PHIP: variants seen among roughly 807,000 people sequenced by gnomAD.
PHIP encodes the protein PHIP subunit of CUL4-Ring ligase complex, also known as PH-interacting protein.
Under a neutral mutation model 236.8 loss-of-function variants are expected in PHIP, and 54 were observed. The observed-to-expected ratio is 0.23, with a 90% CI of 0.18 to 0.29. The LOEUF is 0.29. Ranked by LOEUF, PHIP falls within the 10% of genes least tolerant of loss-of-function variation. The probability of loss-of-function intolerance (pLI) is 1.00; values close to 1 mark genes in which losing one functional copy is unlikely to be tolerated. For missense variants in PHIP, 1,370 were observed against 2,190.8 expected (o/e 0.63, Z 7.48); for synonymous variants, 756 against 718.9 (o/e 1.05, Z -0.83).
intron 7 of PHIP, among the ~76,000 whole-genome samples, chr6:79,034,265 T>C (rs1272720907): frequency 6.6e-6 from 1 of 152,184 alleles, no homozygotes; most frequent in Non-Finnish European, 1.5e-5. Context: ...TGAAACAGGG[T>C]ACGTCTGTAT....
intron 7 of PHIP, among the ~76,000 whole-genome samples, chr6:79,041,414 A>G (rs921981231): frequency 6.6e-6 from 1 of 152,140 alleles, no homozygotes; most frequent in Admixed American, 6.6e-5. Context: ...TTCATAAAAT[A>G]TGATAAACAA....
At chr6:78,989,459 A>T (rs1348675799) in intron 20 of PHIP, among the ~76,000 whole-genome samples, 1 of 152,212 alleles carries the variant, frequency 6.6e-6, no homozygotes, top group African/African-American at 2.4e-5. Flanking sequence ...ACATCCATGA[A>T]ATAAATGCAG....
chr6:78,983,176 T>C (rs951938147), intron 22 of PHIP, 59 bp from the exon 23 acceptor site: 13 of 852,258 alleles, frequency 1.5e-5, no homozygotes, highest in Middle Eastern at 2.4e-4. Flanking sequence ...AGACTTGTTT[T>C]ATAAAAACGA....
chr6:78,975,353 A>C (rs1206386396), intron 24 of PHIP, among the ~76,000 whole-genome samples: 1 of 152,244 alleles, frequency 6.6e-6, no homozygotes, highest in Non-Finnish European at 1.5e-5. Flanking sequence ...TCAATAAATT[A>C]GGTATTGATG....
intron 4 of PHIP, among the ~76,000 whole-genome samples, chr6:79,071,117 C>T (rs1202626068): frequency 6.6e-6 from 1 of 152,212 alleles, no homozygotes. Flanking sequence ...AACTCCTCAT[C>T]CAACCATCCT....
chr6:79,037,468 A>T (rs1771997367), intron 7 of PHIP, among the ~76,000 whole-genome samples: 1 of 152,132 alleles, frequency 6.6e-6, no homozygotes, highest in South Asian at 2.1e-4. Flanking sequence ...TTTCCCCATA[A>T]ATTTGCAATG....
intron 39 of PHIP, among the ~76,000 whole-genome samples, chr6:78,945,083 T>TC: frequency 7.2e-6 from 1 of 139,096 alleles, no homozygotes; most frequent in East Asian, 2.0e-4. Context: ...GATTTATTTC[T>TC]TTTTTTTTTT....
chr6:79,017,753 G>A (rs891084797), intron 10 of PHIP, among the ~76,000 whole-genome samples, 170 bp from the exon 11 acceptor site: 120 of 151,828 alleles, frequency 7.9e-4, no homozygotes, highest in Non-Finnish European at 3.5e-4. Context: ...ATTTAAGAAA[G>A]AAGTTTATGA....
chr6:78,952,522 C>T (rs1766110381), intron 35 of PHIP, among the ~76,000 whole-genome samples: 2 of 151,454 alleles, frequency 1.3e-5, no homozygotes, highest in South Asian at 4.2e-4. Context: ...TTCTCTTCCA[C>T]TGAAATTTTT....
chr6:78,963,613 G>C lies in PHIP; in HGVS notation c.3380-361C>G, dbSNP rs1199029537. Reference sequence around the variant, plus strand: ...GATAAAGTATACACAAGGTAAAACTGAACTAAAGTGACATTTTCTAGAAAT... The same window carrying C: ...GATAAAGTATACACAAGGTAAAACTCAACTAAAGTGACATTTTCTAGAAAT... On this transcript the variant is annotated intron_variant, in intron 29 of 39. Coordinates refer to ENST00000275034, the MANE Select transcript of PHIP (RefSeq NM_017934.7). Among the ~76,000 whole-genome samples, 3 of 152,182 alleles carry C rather than the reference G, an allele frequency of 2.0e-5. No individual in the cohort carries two copies. In the East Asian group the frequency reaches 5.8e-4, roughly 29 times the overall value.
At chr6:78,990,010 AGAGAT>A (rs1353923479) in intron 20 of PHIP, among the ~76,000 whole-genome samples, 2 of 152,182 alleles carry the variant, frequency 1.3e-5, no homozygotes, top group African/African-American at 4.8e-5. Context: ...AGTATTTTGA[AGAGAT>A]GAGTAATAAA....
rs750903818 is a variant in PHIP at position 78,946,243 on chromosome 6, C to CT, written c.4387dup (p.Arg1463LysfsTer35). ...TGATTTTAGCTGGGGTTTTAAGATC[C>CT]TTTTTTTCCTTTCAGGGCTGTAAAT... On this transcript the variant is annotated frameshift_variant, in exon 38 of 40. Transcript: ENST00000275034. LOFTEE classifies it high-confidence loss of function. The CT allele has an allele frequency of 6.2e-7, 1 of 1,612,776 alleles. No homozygotes were observed. Among genetic ancestry groups the CT allele is most frequent in the South Asian group, 1.1e-5 (1 of 90,998 alleles).
chr6:78,954,697 G>A (rs1582099855), intron 35 of PHIP, 117 bp downstream of exon 35: 2 of 664,640 alleles, frequency 3.0e-6, no homozygotes, highest in African/African-American at 3.8e-5. Context: ...ATGAGAACAT[G>A]TATAAAATAA....
At chr6:79,055,805 T>C (rs1469308044) in intron 6 of PHIP, among the ~76,000 whole-genome samples, 4 of 152,214 alleles carry the variant, frequency 2.6e-5, no homozygotes, top group Non-Finnish European at 4.4e-5. Context: ...TCAAATTGTA[T>C]AGGTATGTAT....
intron 6 of PHIP, among the ~76,000 whole-genome samples, chr6:79,050,862 G>GA (rs1204406756): frequency 6.6e-6 from 1 of 152,082 alleles, no homozygotes; most frequent in Non-Finnish European, 1.5e-5. Flanking sequence ...AAAATGGACT[G>GA]AAAAAATGAT....
intron 6 of PHIP, among the ~76,000 whole-genome samples, chr6:79,054,356 C>G (rs984379715): frequency 1.5e-5 from 2 of 134,028 alleles, no homozygotes; most frequent in Non-Finnish European, 3.3e-5. Context: ...AAAAAAAAAG[C>G]GAAGTATAAA....
rs79119728 is a variant in PHIP at position 79,063,389 on chromosome 6, G to A, written c.190-2571C>T. Among the ~76,000 whole-genome samples, 596 of 152,228 alleles carry A rather than the reference G, an allele frequency of 3.9e-3. 1 individual carries two copies. Among genetic ancestry groups the A allele is most frequent in the African/African-American group, 0.013 (539 of 41,528 alleles). On this transcript the variant is annotated intron_variant, in intron 4 of 39. Coordinates refer to ENST00000275034, the MANE Select transcript of PHIP (RefSeq NM_017934.7). ...AGATGCAGTAAAATTTTTTTACATGGTATAATTCTTTATTCTAATAGTTTT... is the reference window on the plus strand; with the variant it reads ...AGATGCAGTAAAATTTTTTTACATGATATAATTCTTTATTCTAATAGTTTT...
chr6:78,981,857 T>C (rs965003298), intron 23 of PHIP, among the ~76,000 whole-genome samples: 1 of 151,988 alleles, frequency 6.6e-6, no homozygotes, highest in East Asian at 1.9e-4. Flanking sequence ...ATGTGTGGCA[T>C]TCTCTTTGGT....
At position 78,946,149 on chromosome 6, in the gene PHIP, T is replaced by C. The variant is rs1184766969; in HGVS notation, c.4482A>G (p.Ile1494Met). The C allele has an allele frequency of 3.1e-6, 5 of 1,614,136 alleles. No homozygotes were observed. The change falls in exon 38 of 40, where the codon ATA becomes ATG. Residue 1494 changes from isoleucine (I) to methionine (M), a missense_variant. This residue lies in a region of PHIP where 309 missense variants were observed against 328.3 expected (regional missense o/e 0.94). Coordinates refer to ENST00000275034, the MANE Select transcript of PHIP (RefSeq NM_017934.7). Reference protein sequence around the residue: ...SIPPRHNAAQINGKTESSSVV... With the variant: ...SIPPRHNAAQMNGKTESSSVV... ...CAGAACTAGATTCTGTTTTACCGTT[T>C]ATCTGAGCAGCATTGTGTCTTGGCG...
Sources: gnomAD v4.1 joint callset for allele counts (sites outside exome capture counted in the v4.1 genomes callset) on GRCh38, gnomAD v4.1.1 for gene constraint, gnomAD v4.1.1 regional missense constraint, MANE v1.5 for transcripts, NCBI Gene and HGNC (gene_info 2026-07-23, HGNC 2026-07-21) for gene names.